The following TIMM23B variants were observed in gnomAD, a reference collection of about 807,000 sequenced individuals.
TIMM23B encodes the protein translocase of inner mitochondrial membrane 23 homolog B, also known as mitochondrial import inner membrane translocase subunit Tim23B.
In TIMM23B, 27 loss-of-function variants were observed where a neutral mutation model predicts 27.3. The observed-to-expected ratio is 0.99, with a 90% CI of 0.73 to 1.36. The LOEUF (loss-of-function observed/expected upper bound fraction) is 1.36. Among genes scored for constraint, TIMM23B ranks in the 40% most tolerant of loss-of-function variants. The probability of loss-of-function intolerance (pLI) is 0.00; values close to 1 mark genes in which losing one functional copy is unlikely to be tolerated. For synonymous variants in TIMM23B, 73 were observed against 92.4 expected (o/e 0.79, Z 1.21); for missense variants, 205 against 244.2 (o/e 0.84, Z 1.07).
chr10:49,954,152 G>C (rs1439115983), intron 4 of TIMM23B: 1 of 161,680 alleles, frequency 6.2e-6, no homozygotes, highest in African/African-American at 2.4e-5. Context: ...AACGTTAATT[G>C]AGTCGTTTAA....
Sources: allele counts gnomAD v4.1 joint callset, GRCh38; gene constraint gnomAD v4.1.1; transcripts MANE v1.5; gene names NCBI Gene and HGNC (gene_info 2026-07-23, HGNC 2026-07-21).